Variants in ERBB4 observed in about 807,000 individuals in gnomAD.
The protein encoded by ERBB4 is erb-b2 receptor tyrosine kinase 4, also known as receptor tyrosine-protein kinase erbB-4.
In ERBB4, 42 loss-of-function variants were observed where a neutral mutation model predicts 158.0. That is an observed-to-expected ratio of 0.27 (90% CI 0.21 to 0.34). The LOEUF is 0.34. ERBB4 is among the 10% of genes least tolerant of loss of function. The probability of loss-of-function intolerance (pLI) is 1.00; values close to 1 mark genes in which losing one functional copy is unlikely to be tolerated. For synonymous variants in ERBB4, 583 were observed against 558.7 expected (o/e 1.04, Z -0.61); for missense variants, 1,333 against 1,624.1 (o/e 0.82, Z 3.08).
At chr2:211,525,061 G>T (rs550020153) in intron 20 of ERBB4, among the ~76,000 whole-genome samples, 3 of 152,274 alleles carry the variant, frequency 2.0e-5, no homozygotes, top group African/African-American at 7.2e-5. Context: ...ATTCCAGCAA[G>T]CCTCACCACT....
At chr2:211,802,955 T>G (rs887418650) in intron 3 of ERBB4, among the ~76,000 whole-genome samples, 16 of 152,230 alleles carry the variant, frequency 1.1e-4, no homozygotes, top group African/African-American at 3.9e-4. Flanking sequence ...TTCACAAGAT[T>G]TCTAATTACA....
At chr2:212,066,748 C>T (rs921802328) in intron 2 of ERBB4, among the ~76,000 whole-genome samples, 5 of 152,054 alleles carry the variant, frequency 3.3e-5, no homozygotes, top group South Asian at 2.1e-4. Context: ...TTTAATCTAA[C>T]GCGTTTCTAA....
intron 3 of ERBB4, among the ~76,000 whole-genome samples, chr2:211,791,790 A>G (rs2076284354): frequency 6.6e-6 from 1 of 151,876 alleles, no homozygotes; most frequent in South Asian, 2.1e-4. Flanking sequence ...AAAAAGTATC[A>G]TTTCATTGCT....
rs548746150 is a variant in ERBB4, at chr2:212,476,653, G to T, written c.82+61796C>A. On this transcript the variant is annotated intron_variant, in intron 1 of 27. Transcript: ENST00000342788. ...CTATTGAGCAGATGAGAATTTAAGG[G>T]AACTAATGCCAAAGGTACCAAACAA... Among the ~76,000 whole-genome samples the T allele has an allele frequency of 3.3e-5, 5 of 152,184 alleles. No homozygotes were observed. The East Asian group carries it at 9.6e-4, about 29-fold the overall frequency.
chr2:211,409,515 C>T (rs1164353925), intron 25 of ERBB4, among the ~76,000 whole-genome samples: 1 of 152,128 alleles, frequency 6.6e-6, no homozygotes, highest in Admixed American at 6.6e-5. Context: ...ATTGTTCTCC[C>T]TGCTTTTTTG....
intron 25 of ERBB4, among the ~76,000 whole-genome samples, chr2:211,414,986 T>A (rs1367550456): frequency 6.6e-6 from 1 of 152,008 alleles, no homozygotes; most frequent in Non-Finnish European, 1.5e-5. Context: ...TGGGTTATAG[T>A]GAGCATTCAG....
At chr2:211,594,296 G>A (rs1311176451) in intron 19 of ERBB4, among the ~76,000 whole-genome samples, 3 of 151,900 alleles carry the variant, frequency 2.0e-5, no homozygotes, top group East Asian at 1.9e-4. Flanking sequence ...GAAATTAGCC[G>A]GGCGTGGAAG....
intron 2 of ERBB4, among the ~76,000 whole-genome samples, chr2:212,031,846 A>C (rs7607942): frequency 6.6e-6 from 1 of 151,922 alleles, no homozygotes; most frequent in Non-Finnish European, 1.5e-5. Flanking sequence ...TGTGCAGAAA[A>C]GACTCAAGGA....
intron 1 of ERBB4, among the ~76,000 whole-genome samples, chr2:212,526,781 A>T (rs1242752402): frequency 6.6e-6 from 1 of 152,092 alleles, no homozygotes; most frequent in Non-Finnish European, 1.5e-5. Flanking sequence ...TTAAAAGAAT[A>T]CTTTAGGTAG....
intron 2 of ERBB4, among the ~76,000 whole-genome samples, chr2:212,050,190 G>A (rs1005452708): frequency 6.6e-6 from 1 of 151,920 alleles, no homozygotes; most frequent in African/African-American, 2.4e-5. Flanking sequence ...GGACCAAACA[G>A]GGTATGTCTG....
chr2:211,488,052 C>T (rs1318727074), intron 20 of ERBB4, among the ~76,000 whole-genome samples: 1 of 151,034 alleles, frequency 6.6e-6, no homozygotes, highest in African/African-American at 2.5e-5. Flanking sequence ...CAGAGTGCTT[C>T]CCTGGAAGAA....
intron 2 of ERBB4, among the ~76,000 whole-genome samples, chr2:212,057,048 GAC>G (rs2077599757): frequency 6.6e-6 from 1 of 152,100 alleles, no homozygotes; most frequent in Admixed American, 6.5e-5. Flanking sequence ...CACGTGCAGA[GAC>G]ACACATAGGC....
At chr2:211,642,978 C>A (rs1035064461) in intron 16 of ERBB4, among the ~76,000 whole-genome samples, 1 of 152,026 alleles carries the variant, frequency 6.6e-6, no homozygotes, top group Non-Finnish European at 1.5e-5. Context: ...ATAATATTTT[C>A]TCCTAAAAGC....
At chr2:212,444,238 C>G (rs755094630) in intron 1 of ERBB4, among the ~76,000 whole-genome samples, 5 of 152,180 alleles carry the variant, frequency 3.3e-5, no homozygotes, top group Non-Finnish European at 7.3e-5. Context: ...TGAAAGTGGA[C>G]AGCTGTAGCA....
At chr2:212,069,250 T>G (rs2078037279) in intron 2 of ERBB4, among the ~76,000 whole-genome samples, 1 of 152,066 alleles carries the variant, frequency 6.6e-6, no homozygotes, top group Non-Finnish European at 1.5e-5. Context: ...GTGTGATTGA[T>G]CCCAGGAACA....
intron 5 of ERBB4, among the ~76,000 whole-genome samples, chr2:211,728,849 TA>T (rs1329068681): frequency 6.6e-6 from 1 of 151,878 alleles, no homozygotes; most frequent in African/African-American, 2.4e-5. Context: ...TCTCTGTATT[TA>T]CTTTGGTTTT....
At chr2:212,335,784 C>G (rs556056088) in intron 1 of ERBB4, among the ~76,000 whole-genome samples, 5 of 151,900 alleles carry the variant, frequency 3.3e-5, no homozygotes, top group African/African-American at 1.2e-4. Flanking sequence ...AGTGAGAGAG[C>G]AAGCGTATGG....
intron 20 of ERBB4, among the ~76,000 whole-genome samples, chr2:211,524,008 A>G (rs1461421918): frequency 4.6e-5 from 7 of 152,082 alleles, no homozygotes; most frequent in Non-Finnish European, 1.0e-4. Flanking sequence ...CCAAGGCCCC[A>G]CCAGAATAGG....
intron 1 of ERBB4, among the ~76,000 whole-genome samples, chr2:212,481,876 TAA>T (rs925130398): frequency 6.6e-6 from 1 of 152,222 alleles, no homozygotes; most frequent in Non-Finnish European, 1.5e-5. Flanking sequence ...ATTGCATGTT[TAA>T]AAGAGTTCAG....
Sources: allele counts gnomAD v4.1 joint callset (sites outside exome capture counted in the v4.1 genomes callset), GRCh38; gene constraint gnomAD v4.1.1; transcripts MANE v1.5; gene names NCBI Gene and HGNC (gene_info 2026-07-23, HGNC 2026-07-21).